Variants in JAKMIP1 observed in about 807,000 individuals in gnomAD.
JAKMIP1 encodes janus kinase and microtubule-interacting protein 1.
A neutral mutation model predicts 113.0 loss-of-function variants in JAKMIP1; 33 were observed. The observed-to-expected ratio is 0.29, with a 90% CI of 0.22 to 0.39. JAKMIP1 has a LOEUF of 0.39. Ranked by LOEUF, JAKMIP1 falls within the 10% of genes least tolerant of loss-of-function variation. The pLI, the probability that JAKMIP1 is intolerant of heterozygous loss-of-function variation, is 1.00. For synonymous variants in JAKMIP1, 480 were observed against 459.9 expected (o/e 1.04, Z -0.56); for missense variants, 813 against 1,080.5 (o/e 0.75, Z 3.47).
chr4:6,179,933 C>T lies in JAKMIP1; in HGVS notation c.-148+20320G>A, dbSNP rs1000548304. Among the ~76,000 whole-genome samples the T allele has an allele frequency of 1.3e-5, 2 of 152,164 alleles. No individual in the cohort carries two copies. The highest frequency in any genetic ancestry group is 4.8e-5 in the African/African-American group (2 of 41,424). ...ACCCAGGTCTCTCTGAATCTAAGAC[C>T]AGTTCCCAGCTGCCCAAAGAACTGT... On this transcript the variant is annotated intron_variant, in intron 1 of 20. Transcript: ENST00000409021. The surrounding 1 kb of genome is among the most constrained non-coding windows in gnomAD (Gnocchi z 4.5).
intron 1 of JAKMIP1, among the ~76,000 whole-genome samples, chr4:6,182,535 C>T (rs767241570): frequency 7.2e-5 from 11 of 152,144 alleles, no homozygotes; most frequent in Non-Finnish European, 1.2e-4. Flanking sequence ...CAGCCTCCTG[C>T]GAACCAGGAA....
chr4:6,088,967 A>G lies in JAKMIP1; in HGVS notation c.625-3338T>C, dbSNP rs1288611674. 6.6e-6 allele frequency among the ~76,000 whole-genome samples: 1 copy of G among 152,144 alleles called. No individual in the cohort carries two copies. The highest frequency in any genetic ancestry group is 1.5e-5 in the Non-Finnish European group (1 of 68,016). ...TCCCCAATTGGCTCATGCCACCCAA[A>G]TGTCCCTGTCCCAACAGTAATTGCT... On this transcript the variant is annotated intron_variant, in intron 3 of 20. Transcript: ENST00000409021. This position sits in a 1 kb window ranked among gnomAD's most constrained non-coding sequence, Gnocchi z 5.5.
intron 1 of JAKMIP1, among the ~76,000 whole-genome samples, chr4:6,132,647 TAA>T: frequency 8.5e-6 from 1 of 118,016 alleles, no homozygotes; most frequent in African/African-American, 2.8e-5. Flanking sequence ...GCCTCAAAAA[TAA>T]AAAAAAAAAA....
chr4:6,047,504 C>T (rs1560107825), intron 16 of JAKMIP1, among the ~76,000 whole-genome samples: 1 of 152,164 alleles, frequency 6.6e-6, no homozygotes, highest in Admixed American at 6.5e-5. Context: ...TGAGTCATCC[C>T]CGTCCCGCGG....
Position 6,193,961 on chromosome 4 carries a change from TGAA to T in JAKMIP1, c.-148+6289_-148+6291del, listed in dbSNP as rs1173714348. Among the ~76,000 whole-genome samples, 4 of 152,152 alleles carry T rather than the reference TGAA, an allele frequency of 2.6e-5. No individual in the cohort carries two copies. The highest frequency in any genetic ancestry group is 7.2e-5 in the African/African-American group (3 of 41,436). On this transcript the variant is annotated intron_variant, in intron 1 of 20. Transcript: ENST00000409021. The surrounding 1 kb of genome is among the most constrained non-coding windows in gnomAD (Gnocchi z 6.4). ...CGCACCATGGAATACTACTCCGCCA[TGAA>T]GAAGAAGGAAGCAATGACACTTGAT... is the stretch of plus-strand genomic sequence containing the variant.
At chr4:6,127,533 C>A (rs1054622779) in intron 1 of JAKMIP1, among the ~76,000 whole-genome samples, 1 of 152,308 alleles carries the variant, frequency 6.6e-6, no homozygotes, top group East Asian at 1.9e-4. Context: ...TTGGTGGGAC[C>A]TCACTGGCAC....
chr4:6,126,335 AAC>A (rs766092663), intron 1 of JAKMIP1, among the ~76,000 whole-genome samples: 82 of 81,812 alleles, frequency 1.0e-3, no homozygotes, highest in South Asian at 2.2e-3. Context: ...ACCTTGCAGA[AAC>A]ACACACACAC....
At chr4:6,182,425 AAG>A (rs1726149376) in intron 1 of JAKMIP1, among the ~76,000 whole-genome samples, 1 of 141,914 alleles carries the variant, frequency 7.0e-6, no homozygotes, top group Non-Finnish European at 1.6e-5. Context: ...AAAAAAAAAA[AAG>A]AAAGAAAGAA....
chr4:6,186,378 G>A lies in JAKMIP1; in HGVS notation c.-148+13875C>T, dbSNP rs1209855150. On this transcript the variant is annotated intron_variant, in intron 1 of 20. Coordinates refer to ENST00000409021, the MANE Select transcript of JAKMIP1 (RefSeq NM_001099433.2). This position sits in a 1 kb window ranked among gnomAD's most constrained non-coding sequence, Gnocchi z 5.5. ...TAGTCAGTTTGCAAAGGCAAGTGAA[G>A]GGGCAAGCAGGAGTGATGGAGGATG... is the stretch of plus-strand genomic sequence containing the variant. 1.3e-5 allele frequency among the ~76,000 whole-genome samples: 2 copies of A among 152,206 alleles called. No individual in the cohort carries two copies. Among genetic ancestry groups the A allele is most frequent in the African/African-American group, 2.4e-5 (1 of 41,450 alleles).
chr4:6,061,211 A>G lies in JAKMIP1; in HGVS notation c.1561-704T>C, dbSNP rs1350850747. Among the ~76,000 whole-genome samples the G allele has an allele frequency of 6.6e-6, 1 of 152,222 alleles. No individual in the cohort carries two copies. Among genetic ancestry groups the G allele is most frequent in the African/African-American group, 2.4e-5 (1 of 41,450 alleles). ...ATCTCTTGATTTTTAAATGTTGGCA[A>G]GTAGATGAAATTTAAAAAGCGAAAC... is the stretch of plus-strand genomic sequence containing the variant. On this transcript the variant is annotated intron_variant, in intron 10 of 20. Transcript: ENST00000409021. The surrounding 1 kb of genome is among the most constrained non-coding windows in gnomAD (Gnocchi z 5.3).
Position 6,131,173 on chromosome 4 carries a change from A to AAAAAAAAAAAAAAAAG in JAKMIP1, c.-147-18177_-147-18176insCTTTTTTTTTTTTTTT, listed in dbSNP as rs71173409. Among the ~76,000 whole-genome samples, 120 of 95,432 alleles carry AAAAAAAAAAAAAAAAG rather than the reference A, an allele frequency of 1.3e-3. 8 individuals carry two copies. Among genetic ancestry groups the AAAAAAAAAAAAAAAAG allele is most frequent in the South Asian group, 2.2e-3 (6 of 2,702 alleles). 62.6% of individuals were successfully genotyped at this position (95,432 alleles called of 152,430 possible). A position where few individuals can be genotyped will look rare whatever the true frequency, so the allele number is the denominator to read the frequency against. On this transcript the variant is annotated intron_variant, in intron 1 of 20. Transcript: ENST00000409021. ...TAAGACCTTGCCTCCAAAAAAAAAA[A>AAAAAAAAAAAAAAAAG]AATATCCCAGGACTATAAGACAACT... is the stretch of plus-strand genomic sequence containing the variant.
In JAKMIP1 at chr4:6,050,986, A is replaced by G. The variant is rs1209928580; in HGVS notation, c.1807-307T>C. On this transcript the variant is annotated intron_variant, in intron 13 of 20. Transcript: ENST00000409021. This position sits in a 1 kb window ranked among gnomAD's most constrained non-coding sequence, Gnocchi z 7.4. ...GAAATCACAGAATTACAAAATTTAAAAAACACAGTTGCACTAAATTTGAAT... is the reference window on the plus strand; with the variant it reads ...GAAATCACAGAATTACAAAATTTAAGAAACACAGTTGCACTAAATTTGAAT... Among the ~76,000 whole-genome samples, 2 of 152,214 alleles carry G rather than the reference A, an allele frequency of 1.3e-5. No individual in the cohort carries two copies. Among genetic ancestry groups the G allele is most frequent in the African/African-American group, 4.8e-5 (2 of 41,448 alleles).
chr4:6,177,872 ACTC>A (rs1233394526), intron 1 of JAKMIP1, among the ~76,000 whole-genome samples: 1 of 151,572 alleles, frequency 6.6e-6, no homozygotes, highest in Non-Finnish European at 1.5e-5. Flanking sequence ...TCTGCCCACA[ACTC>A]CTCTTCCCCA....
At chr4:6,036,267 G>A (rs778606952) in intron 18 of JAKMIP1, among the ~76,000 whole-genome samples, 160 bp from the exon 19 acceptor site, 9 of 152,240 alleles carry the variant, frequency 5.9e-5, no homozygotes, top group Non-Finnish European at 8.8e-5. Context: ...GCCCGGGGGA[G>A]CAGGCTGTGA....
At chr4:6,147,275 GTTTTTTGT>G (rs1255974738) in intron 1 of JAKMIP1, among the ~76,000 whole-genome samples, 4 of 151,868 alleles carry the variant, frequency 2.6e-5, no homozygotes, top group African/African-American at 7.3e-5. Flanking sequence ...ACTCAGTTGT[GTTTTTTGT>G]TTTTTTGTTT....
chr4:6,194,584 G>C lies in JAKMIP1; in HGVS notation c.-148+5669C>G, dbSNP rs1727652068. On this transcript the variant is annotated intron_variant, in intron 1 of 20. Transcript: ENST00000409021. This position sits in a 1 kb window ranked among gnomAD's most constrained non-coding sequence, Gnocchi z 7.4. Reference sequence around the variant, plus strand: ...TCCCACCCCCTCCAGTGCTGTGGAGGGACCCGGGTCAGTCCAGGCTCCTGA... The same window carrying C: ...TCCCACCCCCTCCAGTGCTGTGGAGCGACCCGGGTCAGTCCAGGCTCCTGA... The C allele has an allele frequency of 6.6e-6, 1 of 152,192 alleles. No homozygotes were observed. Among genetic ancestry groups the C allele is most frequent in the African/African-American group, 2.4e-5 (1 of 41,422 alleles). The allele number at this position is 152,192 out of a possible 1,614,324, so 9.4% of individuals were successfully genotyped here.
Position 6,137,677 on chromosome 4 carries a change from A to T in JAKMIP1, c.-147-24680T>A, listed in dbSNP as rs1324098713. Among the ~76,000 whole-genome samples the T allele has an allele frequency of 6.6e-6, 1 of 152,200 alleles. No individual in the cohort carries two copies. Among genetic ancestry groups the T allele is most frequent in the Non-Finnish European group, 1.5e-5 (1 of 68,040 alleles). Reference sequence around the variant, plus strand: ...GAAATGCGGAGGCTAAAGAGCCACAAACCATATCTCTGAGACTCCCTTGGA... The same window carrying T: ...GAAATGCGGAGGCTAAAGAGCCACATACCATATCTCTGAGACTCCCTTGGA... On this transcript the variant is annotated intron_variant, in intron 1 of 20. Transcript: ENST00000409021. The surrounding 1 kb of genome is among the most constrained non-coding windows in gnomAD (Gnocchi z 4.5).
At chr4:6,087,496 T>C (rs184932685) in intron 3 of JAKMIP1, among the ~76,000 whole-genome samples, 1 of 152,114 alleles carries the variant, frequency 6.6e-6, no homozygotes, top group African/African-American at 2.4e-5. Flanking sequence ...ACGAGGCTAT[T>C]TTATTTTAAA....
intron 1 of JAKMIP1, among the ~76,000 whole-genome samples, chr4:6,166,108 C>T (rs1476199621): frequency 6.6e-6 from 1 of 152,222 alleles, no homozygotes; most frequent in African/African-American, 2.4e-5. Flanking sequence ...AGGATGAGCT[C>T]CTCCTCTGAA....
Sources: gnomAD v4.1 joint callset for allele counts (sites outside exome capture counted in the v4.1 genomes callset) on GRCh38, gnomAD v4.1.1 for gene constraint, Gnocchi (gnomAD v3.1) non-coding constraint, MANE v1.5 for transcripts, NCBI Gene and HGNC (gene_info 2026-07-23, HGNC 2026-07-21) for gene names.